Variants in GZMK observed in about 807,000 individuals in gnomAD.
GZMK encodes granzyme K, also known as NK-Tryp-2.
Under a neutral mutation model 22.8 loss-of-function variants are expected in GZMK, and 18 were observed. The observed-to-expected ratio is 0.79, with a 90% CI of 0.54 to 1.17. The LOEUF (loss-of-function observed/expected upper bound fraction) is 1.17, where lower values mean the gene tolerates loss of function less well. Ranked by LOEUF, GZMK falls within the 50% of genes most tolerant of loss-of-function variation. The pLI, the probability that GZMK is intolerant of heterozygous loss-of-function variation, is 0.00. For synonymous variants in GZMK, 136 were observed against 115.0 expected (o/e 1.18, Z -1.17); for missense variants, 342 against 320.2 (o/e 1.07, Z -0.52).
chr5:55,030,250 T>C, intron 2 of GZMK, 184 bp from the exon 3 acceptor site: 1 of 532,588 alleles, frequency 1.9e-6, no homozygotes, highest in Non-Finnish European at 3.3e-6. Flanking sequence ...GGCAAGTCAT[T>C]TGGCCCTTAA....
chr5:55,028,734 G>A (rs1228367516), intron 2 of GZMK: 1 of 152,194 alleles, frequency 6.6e-6, no homozygotes, highest in Non-Finnish European at 1.5e-5. Flanking sequence ...ACAATTAAAA[G>A]ATCTGAGGTG....
intron 2 of GZMK, chr5:55,028,591 T>C (rs1324173509): frequency 1.3e-5 from 2 of 152,198 alleles, no homozygotes; most frequent in Non-Finnish European, 2.9e-5. Flanking sequence ...CCTTTTTCTG[T>C]ATGTTTCTGT....
At chr5:55,028,959 G>A (rs1741177799) in intron 2 of GZMK, among the ~76,000 whole-genome samples, 1 of 152,198 alleles carries the variant, frequency 6.6e-6, no homozygotes, top group Admixed American at 6.5e-5. Flanking sequence ...ACCTTGCCAG[G>A]CACAGAGACT....
chr5:55,029,447 C>A (rs985422264), intron 2 of GZMK, among the ~76,000 whole-genome samples: 4 of 152,144 alleles, frequency 2.6e-5, no homozygotes, highest in Admixed American at 2.6e-4. Flanking sequence ...ATGGACATAT[C>A]TGACTGTCAT....
rs1261615822 is a variant in GZMK, at chr5:55,033,858, T to C, written c.727T>C (p.Tyr243His). Residue 243 changes from tyrosine (Y) to histidine (H), a missense_variant, in exon 5 of 5, where the codon TAC becomes CAC. Physicochemically the swap from Tyr to His is moderately conservative, Grantham distance 83. Transcript: ENST00000231009. ...TGGTGTTGCCACAAAGCCTGGAATC[T>C]ACACCCTGTTAACCAAGAAATACCA... The part of the protein sequence containing the change: ...ECGVATKPGI[Y>H]TLLTKKYQTW... 5 of 1,613,614 alleles carry C rather than the reference T, an allele frequency of 3.1e-6. No homozygotes were observed. Among genetic ancestry groups the C allele is most frequent in the African/African-American group, 2.7e-5 (2 of 74,938 alleles).
Position 55,031,536 on chromosome 5 carries a change from A to C in GZMK, c.536A>C (p.Lys179Thr), listed in dbSNP as rs1561258812. Residue 179 changes from lysine (K) to threonine (T), a missense_variant, in exon 4 of 5, where the codon AAA (lysine) becomes ACA (threonine). Physicochemically the swap from Lys to Thr is moderately conservative, Grantham distance 78. Transcript: ENST00000231009. Reference protein sequence around the residue: ...REVTVTVLSRKLCNSQSYYNG... With the variant: ...REVTVTVLSRTLCNSQSYYNG... ...GTCACTGTTACTGTCCTAAGTCGAA[A>C]ACTTTGCAACAGCCAAAGTTACTAC... 6.2e-7 allele frequency: 1 copy of C among 1,614,120 alleles called. No individual in the cohort carries two copies.
At chr5:55,030,705 G>T (rs1485670137) in intron 3 of GZMK, 121 bp downstream of exon 3, 5 of 733,292 alleles carry the variant, frequency 6.8e-6, no homozygotes, top group Non-Finnish European at 1.2e-5. Flanking sequence ...AGGTGATTAT[G>T]ATATATTTTA....
At position 55,033,873 on chromosome 5, in the gene GZMK, A is replaced by G. The variant is rs1561259631; in HGVS notation, c.742A>G (p.Lys248Glu). The G allele has an allele frequency of 6.2e-7, 1 of 1,613,870 alleles. No homozygotes were observed. Residue 248 changes from lysine to glutamate, a missense_variant, in exon 5 of 5, where the codon AAG becomes GAG. Lys to Glu is a moderately conservative substitution (Grantham distance 56). Transcript: ENST00000231009. Reference protein sequence around the residue: ...TKPGIYTLLTKKYQTWIKSNL... With the variant: ...TKPGIYTLLTEKYQTWIKSNL... ...GCCTGGAATCTACACCCTGTTAACC[A>G]AGAAATACCAGACTTGGATCAAAAG...
Position 55,029,276 on chromosome 5 carries a change from A to G in GZMK, c.213-1158A>G, listed in dbSNP as rs568054090. ...AAAAAGAAAGCCAAAAAACAAACCT[A>G]TTTCTTCACCTCACTCACCAGTTCG... On this transcript the variant is annotated intron_variant, in intron 2 of 4. Transcript: ENST00000231009. Among the ~76,000 whole-genome samples, 13 of 151,860 alleles carry G rather than the reference A, an allele frequency of 8.6e-5. No individual in the cohort carries two copies. The South Asian group carries it at 1.3e-3, about 15-fold the overall frequency.
At chr5:55,033,465 A>G (rs1741265656) in intron 4 of GZMK, among the ~76,000 whole-genome samples, 1 of 152,248 alleles carries the variant, frequency 6.6e-6, no homozygotes, top group Non-Finnish European at 1.5e-5. Flanking sequence ...AGAGGAATGT[A>G]GACATAGATA....
intron 4 of GZMK, chr5:55,032,796 GA>G (rs2111621246): frequency 6.6e-6 from 1 of 151,964 alleles, no homozygotes; most frequent in South Asian, 2.1e-4. Context: ...AGATGGTAAG[GA>G]AAAAAATAGG....
At position 55,024,331 on chromosome 5, in the gene GZMK, G is replaced by A. The variant is rs1278249584; in HGVS notation, c.9G>A (p.Lys3=). MT[K]FSSFSLFFLI... Reference sequence around the variant, plus strand: ...AAATCTAAATCTTTAAAATGACTAAGTTTTCTTCCTTTTCTCTGTTTTTCC... The same window carrying A: ...AAATCTAAATCTTTAAAATGACTAAATTTTCTTCCTTTTCTCTGTTTTTCC... Residue 3 remains lysine, a synonymous_variant, in exon 1 of 5, where the codon AAG becomes AAA. Coordinates refer to ENST00000231009, the MANE Select transcript of GZMK (RefSeq NM_002104.3). 6.9e-7 allele frequency: 1 copy of A among 1,454,338 alleles called. No individual in the cohort carries two copies. The highest frequency in any genetic ancestry group is 9.6e-7 in the Non-Finnish European group (1 of 1,036,680). The allele number at this position is 1,454,338 out of a possible 1,614,324, so 90.1% of individuals were successfully genotyped here. A position where few individuals can be genotyped will look rare whatever the true frequency, so the allele number is the denominator to read the frequency against.
At chr5:55,032,676 G>C (rs185230685) in intron 4 of GZMK, 1 of 152,190 alleles carries the variant, frequency 6.6e-6, no homozygotes, top group African/African-American at 2.4e-5. Flanking sequence ...AGGCTGAAGT[G>C]AGCCGAGATC....
chr5:55,024,620 T>A, intron 1 of GZMK, 40 bp from the exon 2 acceptor site: 1 of 1,442,528 alleles, frequency 6.9e-7, no homozygotes, highest in Non-Finnish European at 9.7e-7. Context: ...AAACAGTAGT[T>A]TAGATCTTTT....
intron 4 of GZMK, among the ~76,000 whole-genome samples, chr5:55,033,245 A>AAAAT (rs781179183): frequency 6.6e-6 from 1 of 152,246 alleles, no homozygotes; most frequent in Admixed American, 6.5e-5. Flanking sequence ...GAGGATGCAA[A>AAAAT]AAATAAATAA....
chr5:55,029,718 G>A (rs1248521990), intron 2 of GZMK, among the ~76,000 whole-genome samples: 1 of 152,108 alleles, frequency 6.6e-6, no homozygotes, highest in Non-Finnish European at 1.5e-5. Context: ...ATGCACCAGT[G>A]TGCCCCTTAA....
rs1358049868 is a variant in GZMK, at chr5:55,034,379, G to A, written c.*453G>A. ...TATTGTTAACTATAGGCATGATCTT[G>A]CAGTGCAGATCTCTAGAACTGCTTC... On this transcript the variant is annotated 3_prime_UTR_variant, in exon 5 of 5. Transcript: ENST00000231009. 6.5e-6 allele frequency: 1 copy of A among 154,746 alleles called. No individual in the cohort carries two copies. The highest frequency in any genetic ancestry group is 1.4e-5 in the Non-Finnish European group (1 of 69,680). The allele number at this position is 154,746 out of a possible 1,614,324, so 9.6% of individuals were successfully genotyped here.
intron 2 of GZMK, among the ~76,000 whole-genome samples, chr5:55,026,048 T>G (rs1200019307): frequency 1.3e-5 from 2 of 152,244 alleles, no homozygotes; most frequent in African/African-American, 4.8e-5. Context: ...AGTGGGGAAC[T>G]GTCAGCGAAT....
chr5:55,029,301 G>A (rs191047086), intron 2 of GZMK, among the ~76,000 whole-genome samples: 158 of 151,828 alleles, frequency 1.0e-3, no homozygotes, highest in Non-Finnish European at 1.6e-3. Context: ...TCACCAGTTC[G>A]TATCCTCTAA....
Sources: allele counts gnomAD v4.1 joint callset (sites outside exome capture counted in the v4.1 genomes callset), GRCh38; gene constraint gnomAD v4.1.1; transcripts MANE v1.5; gene names NCBI Gene and HGNC (gene_info 2026-07-23, HGNC 2026-07-21).